Variants in TYW1 observed in about 807,000 individuals in gnomAD.
TYW1 encodes the protein S-adenosyl-L-methionine-dependent tRNA 4-demethylwyosine synthase TYW1.
A neutral mutation model predicts 96.2 loss-of-function variants in TYW1; 46 were observed. The ratio of observed to expected loss-of-function variants is 0.48; its 90% CI spans 0.38 to 0.61. The LOEUF is 0.61. Among genes scored for constraint, TYW1 ranks in the 20% least tolerant of loss-of-function variants. TYW1 has a pLI of 0.00. For synonymous variants in TYW1, 274 were observed against 323.0 expected, an observed-to-expected ratio of 0.85 and a Z score of 1.63; for missense variants, 684 against 909.6, an observed-to-expected ratio of 0.75 and a Z score of 3.19.
chr7:67,107,503 T>C (rs951862459), intron 12 of TYW1, among the ~76,000 whole-genome samples: 5 of 152,322 alleles, frequency 3.3e-5, no homozygotes, highest in African/African-American at 1.2e-4. Flanking sequence ...TAGGTTTGAA[T>C]CTTGACTGGA....
At chr7:67,025,784 A>G (rs1446721477) in intron 7 of TYW1, among the ~76,000 whole-genome samples, 2 of 152,198 alleles carry the variant, frequency 1.3e-5, no homozygotes, top group Non-Finnish European at 2.9e-5. Context: ...ACTATACTAT[A>G]AAAATAACAG....
intron 15 of TYW1, among the ~76,000 whole-genome samples, chr7:67,226,621 C>T (rs1175550831): frequency 6.6e-6 from 1 of 152,122 alleles, no homozygotes; most frequent in Admixed American, 6.6e-5. Flanking sequence ...TCAGGGACAC[C>T]GATTTGAGTA....
chr7:67,137,031 C>T (rs1486840459), intron 13 of TYW1, among the ~76,000 whole-genome samples: 2 of 135,282 alleles, frequency 1.5e-5, no homozygotes, highest in Non-Finnish European at 3.1e-5. Flanking sequence ...CCATGTTGGC[C>T]AGGCTGGTCT....
chr7:67,015,698 C>T (rs1424412974), intron 5 of TYW1, among the ~76,000 whole-genome samples: 2 of 152,172 alleles, frequency 1.3e-5, no homozygotes, highest in Non-Finnish European at 2.9e-5. Context: ...CATGGTGGCT[C>T]ACGCCTGTAA....
intron 13 of TYW1, among the ~76,000 whole-genome samples, chr7:67,182,664 A>C (rs1799877710): frequency 6.6e-6 from 1 of 152,246 alleles, no homozygotes; most frequent in Non-Finnish European, 1.5e-5. Context: ...TGCCAGCAAG[A>C]AATGCCAAGA....
At chr7:67,159,681 A>G (rs1799096374) in intron 13 of TYW1, among the ~76,000 whole-genome samples, 3 of 152,160 alleles carry the variant, frequency 2.0e-5, no homozygotes, top group African/African-American at 4.8e-5. Context: ...TATTTTGACT[A>G]GCTTCTTTAG....
chr7:67,231,181 A>T (rs1218517231), intron 15 of TYW1, among the ~76,000 whole-genome samples: 4 of 152,000 alleles, frequency 2.6e-5, no homozygotes. Context: ...TATTTTCTTC[A>T]TCTAGATTTC....
intron 7 of TYW1, among the ~76,000 whole-genome samples, chr7:67,028,305 T>C (rs1794527526): frequency 6.6e-6 from 1 of 151,028 alleles, no homozygotes; most frequent in Non-Finnish European, 1.5e-5. Flanking sequence ...CCCCACACTT[T>C]GAGAGGCCAA....
At chr7:67,021,055 A>G (rs768828414) in intron 6 of TYW1, among the ~76,000 whole-genome samples, 6 of 152,392 alleles carry the variant, frequency 3.9e-5, no homozygotes, top group Non-Finnish European at 7.3e-5. Context: ...AAATTTGTCA[A>G]ATGAGTTTGA....
At chr7:67,168,123 A>T (rs1799407146) in intron 13 of TYW1, among the ~76,000 whole-genome samples, 1 of 138,862 alleles carries the variant, frequency 7.2e-6, no homozygotes, top group African/African-American at 2.8e-5. Context: ...TTATGTGACT[A>T]TTATCAATGG....
chr7:67,193,097 A>G (rs1481487767), intron 14 of TYW1, among the ~76,000 whole-genome samples: 1 of 152,116 alleles, frequency 6.6e-6, no homozygotes, highest in Admixed American at 6.5e-5. Flanking sequence ...GTTTTTTTAA[A>G]TCTCACAAGC....
chr7:67,011,435 A>G (rs2129240076), intron 4 of TYW1, among the ~76,000 whole-genome samples: 1 of 152,370 alleles, frequency 6.6e-6, no homozygotes, highest in South Asian at 2.1e-4. Flanking sequence ...TTCACCCTAC[A>G]GCAGTGGTTC....
intron 6 of TYW1, among the ~76,000 whole-genome samples, chr7:67,021,835 G>C (rs1442329844): frequency 6.6e-6 from 1 of 152,192 alleles, no homozygotes; most frequent in Non-Finnish European, 1.5e-5. Context: ...CTTTCCATTA[G>C]AAACTTGAGT....
intron 10 of TYW1, among the ~76,000 whole-genome samples, 171 bp from the exon 11 acceptor site, chr7:67,083,259 T>C (rs1796439685): frequency 6.6e-6 from 1 of 152,182 alleles, no homozygotes; most frequent in African/African-American, 2.4e-5. Flanking sequence ...CCCCTCTCTG[T>C]TGGGTGTCAT....
intron 7 of TYW1, among the ~76,000 whole-genome samples, chr7:67,036,088 G>A (rs1364262763): frequency 6.9e-6 from 1 of 145,356 alleles, no homozygotes; most frequent in Middle Eastern, 3.5e-3. Context: ...ATGCTGTCGC[G>A]CTGCATCGAC....
At chr7:67,227,944 T>C (rs1801619425) in intron 15 of TYW1, among the ~76,000 whole-genome samples, 1 of 152,078 alleles carries the variant, frequency 6.6e-6, no homozygotes, top group African/African-American at 2.4e-5. Flanking sequence ...TTTCAGAGAG[T>C]TCTGTGGGTC....
rs574328684 is a variant in TYW1 at position 67,046,909 on chromosome 7, C to T, written c.985-3040C>T. On this transcript the variant is annotated intron_variant, in intron 7 of 15. Transcript: ENST00000359626. ...AGGGACAGGGACAGTATTCCATGGC[C>T]GTCCTTTGGAGTCTGTTCATTTTGT... 3.3e-5 allele frequency among the ~76,000 whole-genome samples: 5 copies of T among 152,200 alleles called. No individual in the cohort carries two copies. The South Asian group carries it at 1.0e-3, about 32-fold the overall frequency.
chr7:67,231,772 A>G (rs1801755893), intron 15 of TYW1, among the ~76,000 whole-genome samples: 1 of 151,406 alleles, frequency 6.6e-6, no homozygotes, highest in Admixed American at 6.6e-5. Flanking sequence ...TCCATTGTAG[A>G]CACCTTTAAT....
chr7:67,007,941 T>G (rs1793660257), intron 3 of TYW1, among the ~76,000 whole-genome samples: 1 of 152,112 alleles, frequency 6.6e-6, no homozygotes, highest in Non-Finnish European at 1.5e-5. Context: ...GGCCAACCTG[T>G]CCTTTTTCTA....
Sources: gnomAD v4.1 joint callset for allele counts (sites outside exome capture counted in the v4.1 genomes callset) on GRCh38, gnomAD v4.1.1 for gene constraint, MANE v1.5 for transcripts, NCBI Gene and HGNC (gene_info 2026-07-23, HGNC 2026-07-21) for gene names.